Variants in ATXN1 observed in about 807,000 individuals in gnomAD.
ATXN1 encodes ataxin-1.
In ATXN1, 8 loss-of-function variants were observed where a neutral mutation model predicts 56.4. That is an observed-to-expected ratio of 0.14 (90% confidence interval 0.08 to 0.26). ATXN1 has a LOEUF of 0.26. Ranked by LOEUF, ATXN1 falls within the 10% of genes least tolerant of loss-of-function variation. The probability of loss-of-function intolerance (pLI) is 1.00; values close to 1 mark genes in which losing one functional copy is unlikely to be tolerated. For missense variants in ATXN1, 987 were observed against 1,106.5 expected (o/e 0.89, Z 1.53); for synonymous variants, 514 against 494.6 (o/e 1.04, Z -0.52).
chr6:16,634,919 T>A (rs76282370), intron 3 of ATXN1, among the ~76,000 whole-genome samples: 2,146 of 152,250 alleles, frequency 0.014, 17 homozygotes, highest in Non-Finnish European at 0.023. Context: ...GTTTTGTCAC[T>A]TTTGTTTACA....
chr6:16,703,785 C>T (rs1460471581), intron 2 of ATXN1, among the ~76,000 whole-genome samples: 1 of 152,156 alleles, frequency 6.6e-6, no homozygotes, highest in Non-Finnish European at 1.5e-5. Flanking sequence ...TTTGGGAGGC[C>T]GAGGCGGGTG....
chr6:16,681,809 G>A (rs1403605920), intron 2 of ATXN1, among the ~76,000 whole-genome samples: 2 of 152,198 alleles, frequency 1.3e-5, no homozygotes, highest in Non-Finnish European at 2.9e-5. Flanking sequence ...AGGCCACAGT[G>A]CCAGCAAAAT....
chr6:16,583,123 G>C (rs898566506), intron 4 of ATXN1, among the ~76,000 whole-genome samples: 1 of 152,176 alleles, frequency 6.6e-6, no homozygotes, highest in Non-Finnish European at 1.5e-5. Context: ...AATGATTTAT[G>C]ACACATTAAG....
In ATXN1 at chr6:16,581,228, CGCGT is replaced by C. The variant is rs140604739; in HGVS notation, c.-361+4548_-361+4551del. Among the ~76,000 whole-genome samples the C allele has an allele frequency of 9.3e-3, 1,174 of 125,570 alleles. 7 individuals carry two copies. The highest frequency in any genetic ancestry group is 0.013 in the Non-Finnish European group (738 of 55,762). The allele number at this position is 125,570 out of a possible 152,430, so 82.4% of individuals were successfully genotyped here. On this transcript the variant is annotated intron_variant, in intron 4 of 7. Transcript: ENST00000436367. ...GTGTGTGTGTGTGTGTGTGTGTGCG[CGCGT>C]GTGTGTGTGTGTGTGTGTGCTGGGT... is the stretch of plus-strand genomic sequence containing the variant.
intron 5 of ATXN1, among the ~76,000 whole-genome samples, chr6:16,509,614 A>G (rs1423693238): frequency 6.6e-6 from 1 of 152,062 alleles, no homozygotes; most frequent in Non-Finnish European, 1.5e-5. Context: ...TGCTAAGAGT[A>G]ATCATGCTAT....
At chr6:16,504,993 C>CTTTTT (rs34197922) in intron 5 of ATXN1, among the ~76,000 whole-genome samples, 3 of 135,318 alleles carry the variant, frequency 2.2e-5, no homozygotes, top group African/African-American at 5.7e-5. Flanking sequence ...CTCCTGTTTC[C>CTTTTT]TTTTTTTTTT....
chr6:16,538,492 T>C (rs990426808), intron 4 of ATXN1, among the ~76,000 whole-genome samples: 5 of 152,164 alleles, frequency 3.3e-5, no homozygotes, highest in African/African-American at 1.2e-4. Flanking sequence ...GCAGGTTTGT[T>C]ACATATGTAT....
chr6:16,494,042 G>A (rs1298013169), intron 5 of ATXN1, among the ~76,000 whole-genome samples: 2 of 152,062 alleles, frequency 1.3e-5, no homozygotes, highest in Admixed American at 1.3e-4. Flanking sequence ...GAGCTTAAGT[G>A]GCAGGCAAAC....
At chr6:16,508,995 C>T (rs1010234159) in intron 5 of ATXN1, among the ~76,000 whole-genome samples, 1 of 151,876 alleles carries the variant, frequency 6.6e-6, no homozygotes, top group Non-Finnish European at 1.5e-5. Context: ...TTATGCTAAA[C>T]AAAAAGTCAC....
At chr6:16,620,638 A>G (rs1399992740) in intron 3 of ATXN1, among the ~76,000 whole-genome samples, 1 of 152,224 alleles carries the variant, frequency 6.6e-6, no homozygotes, top group Non-Finnish European at 1.5e-5. Context: ...AAGAAGCTAG[A>G]TGATCTAAGA....
chr6:16,338,099 A>AGC (rs1761165604), intron 6 of ATXN1, among the ~76,000 whole-genome samples: 1 of 152,232 alleles, frequency 6.6e-6, no homozygotes, highest in Non-Finnish European at 1.5e-5. Context: ...TATTACTACT[A>AGC]AGGACACACA....
chr6:16,513,081 ATGTT>A (rs1761113121), intron 5 of ATXN1, among the ~76,000 whole-genome samples: 1 of 152,214 alleles, frequency 6.6e-6, no homozygotes, highest in African/African-American at 2.4e-5. Flanking sequence ...GGCTAGGAAA[ATGTT>A]TGGGGCACGC....
At chr6:16,754,637 T>C (rs1311390887) in intron 1 of ATXN1, 2 of 152,244 alleles carry the variant, frequency 1.3e-5, no homozygotes, top group East Asian at 1.9e-4. Flanking sequence ...AAAATGTTCT[T>C]ACTTCTAACT....
intron 4 of ATXN1, among the ~76,000 whole-genome samples, chr6:16,533,682 A>G (rs982584569): frequency 6.6e-6 from 1 of 152,192 alleles, no homozygotes; most frequent in Non-Finnish European, 1.5e-5. Flanking sequence ...TTTCAGGATC[A>G]CAGTGAAAAC....
At chr6:16,342,764 A>C (rs1761282386) in intron 6 of ATXN1, among the ~76,000 whole-genome samples, 1 of 152,236 alleles carries the variant, frequency 6.6e-6, no homozygotes, top group African/African-American at 2.4e-5. Context: ...AAGTGAAAGA[A>C]GCCAGACACA....
rs776245789 is a variant in ATXN1 at position 16,761,334 on chromosome 6, G to A, written c.-766C>T. 2.2e-6 allele frequency: 1 copy of A among 456,130 alleles called. No individual in the cohort carries two copies. The highest frequency in any genetic ancestry group is 2.0e-5 in the African/African-American group (1 of 49,930). 28.3% of individuals were successfully genotyped at this position (456,130 alleles called of 1,614,324 possible). On this transcript the variant is annotated 5_prime_UTR_variant, in exon 1 of 8. Coordinates refer to ENST00000436367, the MANE Select transcript of ATXN1 (RefSeq NM_001128164.2). ...AATGGATCTGGGGTTGCGTGGGGAA[G>A]GGGGGGCAGAGGGAGAGAAACAATG...
At chr6:16,602,554 C>T (rs1762930871) in intron 3 of ATXN1, among the ~76,000 whole-genome samples, 1 of 151,896 alleles carries the variant, frequency 6.6e-6, no homozygotes, top group Non-Finnish European at 1.5e-5. Context: ...TGGGTTCAAG[C>T]AAGTCTCTTG....
At chr6:16,526,726 C>A (rs1413143432) in intron 4 of ATXN1, among the ~76,000 whole-genome samples, 3 of 147,564 alleles carry the variant, frequency 2.0e-5, no homozygotes, top group African/African-American at 7.5e-5. Flanking sequence ...GAATGCACCA[C>A]TGCACTCCAG....
At chr6:16,566,693 A>C (rs1388999132) in intron 4 of ATXN1, among the ~76,000 whole-genome samples, 1 of 151,982 alleles carries the variant, frequency 6.6e-6, no homozygotes, top group Non-Finnish European at 1.5e-5. Context: ...CTCTACTAAA[A>C]ATACAAAAAA....
Sources: gnomAD v4.1 joint callset for allele counts (sites outside exome capture counted in the v4.1 genomes callset) on GRCh38, gnomAD v4.1.1 for gene constraint, MANE v1.5 for transcripts, NCBI Gene and HGNC (gene_info 2026-07-23, HGNC 2026-07-21) for gene names.